Variants in ERMP1 observed in about 807,000 individuals in gnomAD.
ERMP1 encodes the protein Felix-ina.
Under a neutral mutation model 92.0 loss-of-function variants are expected in ERMP1, and 86 were observed. The ratio of observed to expected loss-of-function variants is 0.93; its 90% CI spans 0.79 to 1.12. The LOEUF is 1.12. Ranked by LOEUF, ERMP1 falls within the 50% of genes most tolerant of loss-of-function variation. The probability of loss-of-function intolerance (pLI) is 0.00; values close to 1 mark genes in which losing one functional copy is unlikely to be tolerated. For missense variants in ERMP1, 1,342 were observed against 1,116.3 expected (o/e 1.20, Z -2.88); for synonymous variants, 530 against 412.8 (o/e 1.28, Z -3.44).
chr9:5,824,909 C>A (rs879555224), intron 3 of ERMP1, among the ~76,000 whole-genome samples, 183 bp downstream of exon 3: 5 of 152,162 alleles, frequency 3.3e-5, no homozygotes, highest in Non-Finnish European at 5.9e-5. Flanking sequence ...AAATATTAAA[C>A]ATCTCTACAT....
Position 5,787,104 on chromosome 9 carries a change from G to C in ERMP1, c.*40C>G. 6.4e-7 allele frequency: 1 copy of C among 1,561,586 alleles called. No homozygotes were observed. Among genetic ancestry groups the C allele is most frequent in the South Asian group, 1.2e-5 (1 of 84,628 alleles). ...ACATAGGGAGAAACCATGTCACATG[G>C]AGTATCCACTGGGCATGTACTTAGA... On this transcript the variant is annotated 3_prime_UTR_variant, in exon 15 of 15. Transcript: ENST00000339450.
intron 2 of ERMP1, among the ~76,000 whole-genome samples, chr9:5,826,494 T>C (rs7048513): frequency 0.019 from 2,932 of 152,336 alleles, 97 homozygotes; most frequent in African/African-American, 0.067. Flanking sequence ...ATGTTCATTT[T>C]TCCCTCTCTT....
At chr9:5,809,705 G>T (rs565876145) in intron 8 of ERMP1, among the ~76,000 whole-genome samples, 1 of 152,134 alleles carries the variant, frequency 6.6e-6, no homozygotes, top group Non-Finnish European at 1.5e-5. Flanking sequence ...TAAATAAGTG[G>T]GTGAGCCCAG....
upstream of ERMP1, among the ~76,000 whole-genome samples, chr9:5,835,210 G>A (rs1427910798): frequency 1.3e-5 from 2 of 152,006 alleles, no homozygotes; most frequent in Non-Finnish European, 2.9e-5. Flanking sequence ...TATAGTCTAC[G>A]GTATTCACGT....
In ERMP1 at chr9:5,823,919, C is replaced by T; in HGVS notation, c.851G>A (p.Gly284Glu). The T allele has an allele frequency of 6.2e-7, 1 of 1,613,318 alleles. No individual in the cohort carries two copies. The highest frequency in any genetic ancestry group is 8.5e-7 in the Non-Finnish European group (1 of 1,179,360). Residue 284 changes from glycine to glutamate, a missense_variant, in exon 4 of 15, where the codon GGG becomes GAG. By Grantham distance (98) the Gly-to-Glu change is moderately conservative. Transcript: ENST00000339450. ...FINLEAAGVG[G>E]KELVFQTGPE... ...ACCTGTTTGGAATACAAGTTCTTTC[C>T]CTCCTACACCTGCTGCCTCTAGGTT...
At chr9:5,790,658 G>C (rs374777078) in intron 13 of ERMP1, among the ~76,000 whole-genome samples, 29 of 152,226 alleles carry the variant, frequency 1.9e-4, no homozygotes, top group African/African-American at 6.7e-4. Flanking sequence ...CAAGGCAAAG[G>C]CATTAAATAT....
intron 2 of ERMP1, among the ~76,000 whole-genome samples, chr9:5,825,616 C>T (rs1253034133): frequency 2.0e-5 from 3 of 152,228 alleles, no homozygotes; most frequent in African/African-American, 7.2e-5. Context: ...TCACAGCTTC[C>T]TGCATCATCT....
intron 11 of ERMP1, 93 bp downstream of exon 11, chr9:5,801,082 AG>A (rs1828652354): frequency 1.5e-5 from 20 of 1,340,802 alleles, no homozygotes; most frequent in Non-Finnish European, 2.0e-5. Context: ...GGTCAACAGC[AG>A]AAAAGTCAGC....
At chr9:5,854,744 C>T (rs1563783624) in intron 6 of ERMP1, among the ~76,000 whole-genome samples, 1 of 152,184 alleles carries the variant, frequency 6.6e-6, no homozygotes, top group Non-Finnish European at 1.5e-5. Flanking sequence ...CCAGGCTGGT[C>T]TAGAACTCCT....
chr9:5,827,133 T>G (rs1303752958), intron 2 of ERMP1, among the ~76,000 whole-genome samples: 3 of 152,174 alleles, frequency 2.0e-5, no homozygotes, highest in African/African-American at 7.2e-5. Context: ...GTGGATAACA[T>G]TACTCCTAAT....
chr9:5,846,077 C>G (rs1206928557), intron 6 of ERMP1, among the ~76,000 whole-genome samples: 1 of 152,152 alleles, frequency 6.6e-6, no homozygotes, highest in Non-Finnish European at 1.5e-5. Flanking sequence ...ATTCTGCACC[C>G]CTAACACAGC....
intron 6 of ERMP1, among the ~76,000 whole-genome samples, chr9:5,841,748 G>A (rs945455082): frequency 3.9e-5 from 6 of 152,226 alleles, no homozygotes; most frequent in East Asian, 1.9e-4. Context: ...CCAAGATTGC[G>A]CCAATGTGTG....
In ERMP1 at chr9:5,830,887, A is replaced by G. The variant is rs1163248177; in HGVS notation, c.480T>C (p.Asp160=). The G allele has an allele frequency of 3.1e-6, 5 of 1,614,090 alleles. No individual in the cohort carries two copies. Among genetic ancestry groups the G allele is most frequent in the African/African-American group, 1.3e-5 (1 of 74,924 alleles). The change falls in exon 2 of 15, where the codon GAT becomes GAC. Residue 160 remains aspartate, a synonymous_variant. Transcript: ENST00000339450. ...TAAAAGAGCCTGTGGGCCGTTGTAC[A>G]TCTACTGAAATCTTATGAAGGCTGT... The part of the protein sequence containing the change: ...QSNSLHKISV[D]VQRPTGSFSI...
upstream of ERMP1, among the ~76,000 whole-genome samples, chr9:5,834,989 G>GTA (rs1328244595): frequency 6.9e-6 from 1 of 144,512 alleles, no homozygotes; most frequent in African/African-American, 2.6e-5. Context: ...GTGTGTGTGT[G>GTA]TGTGTGTGTG....
At chr9:5,829,015 A>AGGCGGATCACTTGAGGTC (rs530280973) in intron 2 of ERMP1, among the ~76,000 whole-genome samples, 108 of 152,124 alleles carry the variant, frequency 7.1e-4, no homozygotes, top group African/African-American at 2.3e-3. Flanking sequence ...AGACTGAGGT[A>AGGCGGATCACTTGAGGTC]GGCGGATCAC....
At chr9:5,834,646 T>C (rs190649674), upstream of ERMP1, among the ~76,000 whole-genome samples, 7 of 152,064 alleles carry the variant, frequency 4.6e-5, no homozygotes, top group Non-Finnish European at 8.8e-5. Flanking sequence ...ACTGTATCCA[T>C]AGTGCTTAGC....
At chr9:5,826,043 G>C (rs948545498) in intron 2 of ERMP1, among the ~76,000 whole-genome samples, 1 of 152,142 alleles carries the variant, frequency 6.6e-6, no homozygotes, top group African/African-American at 2.4e-5. Flanking sequence ...TTATCTGCCA[G>C]CAACACAGAG....
chr9:5,842,434 C>CAAAAAAAAAAAAAAAGAAA (rs1830177504), intron 6 of ERMP1, among the ~76,000 whole-genome samples: 1 of 107,898 alleles, frequency 9.3e-6, no homozygotes, highest in African/African-American at 3.4e-5. Context: ...GAGACTGTCT[C>CAAAAAAAAAAAAAAAGAAA]AAAAAAAAAA....
intron 10 of ERMP1, 89 bp downstream of exon 10, chr9:5,804,938 C>T: frequency 2.1e-6 from 2 of 966,214 alleles, no homozygotes; most frequent in Admixed American, 2.7e-5. Flanking sequence ...CAATAAAGTA[C>T]ACGTAACACT....
Sources: allele counts gnomAD v4.1 joint callset (sites outside exome capture counted in the v4.1 genomes callset), GRCh38; gene constraint gnomAD v4.1.1; transcripts MANE v1.5; gene names NCBI Gene and HGNC (gene_info 2026-07-23, HGNC 2026-07-21).